Variants in NFE2L3 observed in about 807,000 individuals in gnomAD.
The protein encoded by NFE2L3 is NFE2 like bZIP transcription factor 3.
In NFE2L3, 18 loss-of-function variants were observed where a neutral mutation model predicts 23.5. That is an observed-to-expected ratio of 0.77 (90% CI 0.53 to 1.13). The LOEUF (loss-of-function observed/expected upper bound fraction) is 1.13, where lower values mean the gene tolerates loss of function less well. Ranked by LOEUF, NFE2L3 falls within the 50% of genes most tolerant of loss-of-function variation. The pLI is 0.00. For synonymous variants in NFE2L3, 424 were observed against 354.5 expected, an observed-to-expected ratio of 1.20 and a Z score of -2.20; for missense variants, 1,152 against 877.2, an observed-to-expected ratio of 1.31 and a Z score of -3.96.
rs1194380399 is a variant in NFE2L3 at position 26,186,947 on chromosome 7, C to T, written c.*1164C>T. ...TAGATGACTCAAGTTTGGGGAACATCAAGATTTTGACGGGTACTATAATGC... is the reference window on the plus strand; with the variant it reads ...TAGATGACTCAAGTTTGGGGAACATTAAGATTTTGACGGGTACTATAATGC... On this transcript the variant is annotated 3_prime_UTR_variant, in exon 4 of 4. Coordinates refer to ENST00000056233, the MANE Select transcript of NFE2L3 (RefSeq NM_004289.7). 1 of 152,138 alleles carries T rather than the reference C, an allele frequency of 6.6e-6. No individual in the cohort carries two copies. Among genetic ancestry groups the T allele is most frequent in the East Asian group, 1.9e-4 (1 of 5,204 alleles). The allele number at this position is 152,138 out of a possible 1,614,324, so 9.4% of individuals were successfully genotyped here.
Position 26,183,748 on chromosome 7 carries a change from C to T in NFE2L3, c.798C>T (p.Phe266=). 1 of 1,612,792 alleles carries T rather than the reference C, an allele frequency of 6.2e-7. No individual in the cohort carries two copies. The highest frequency in any genetic ancestry group is 1.1e-5 in the South Asian group (1 of 91,076). The part of the protein sequence containing the change: ...TDTSFSLEDL[F]QLLSSQPENS... ...CTTCTTTCTCTCTGGAAGACTTATT[C>T]CAGTTGCTTTCATCACAGCCTGAAA... Residue 266 remains phenylalanine (F), a synonymous_variant, in exon 3 of 4, where the codon TTC becomes TTT. Coordinates refer to ENST00000056233, the MANE Select transcript of NFE2L3 (RefSeq NM_004289.7).
rs777272281 is a variant in NFE2L3 at position 26,184,590 on chromosome 7, T to TCAG, written c.895_897dup (p.Ala299dup). 7.4e-6 allele frequency: 12 copies of TCAG among 1,613,900 alleles called. No individual in the cohort carries two copies. Among genetic ancestry groups the TCAG allele is most frequent in the Non-Finnish European group, 9.3e-6 (11 of 1,179,782 alleles). On this transcript the variant is annotated inframe_insertion, in exon 4 of 4. Transcript: ENST00000056233. The stretch of plus-strand genomic sequence containing the variant: ...CAGTATCAGTGATGGCATGAATTCT[T>TCAG]CAGCACATTATCATGTAAACTTCAG...
Position 26,175,853 on chromosome 7 carries a change from CTT to C in NFE2L3, c.571-2072_571-2071del, listed in dbSNP as rs70943276. ...TTAGCTGTTTGATCAATTTTCTTTT[CTT>C]TTTTTTTTTTTTTTTTTAGTATTTA... On this transcript the variant is annotated intron_variant, in intron 1 of 3. Transcript: ENST00000056233. 8.9e-3 allele frequency among the ~76,000 whole-genome samples: 990 copies of C among 111,648 alleles called. 6 individuals carry two copies. Among genetic ancestry groups the C allele is most frequent in the African/African-American group, 0.029 (861 of 29,894 alleles). The allele number at this position is 111,648 out of a possible 152,430, so 73.2% of individuals were successfully genotyped here. A position where few individuals can be genotyped will look rare whatever the true frequency, so the allele number is the denominator to read the frequency against.
At position 26,153,043 on chromosome 7, in the gene NFE2L3, C is replaced by T. The variant is rs1343910271; in HGVS notation, c.545C>T (p.Pro182Leu). The T allele has an allele frequency of 1.3e-6, 2 of 1,526,350 alleles. No homozygotes were observed. The highest frequency in any genetic ancestry group is 2.0e-5 in the Admixed American group (1 of 50,026). The allele number at this position is 1,526,350 out of a possible 1,614,324, so 94.6% of individuals were successfully genotyped here. A position where few individuals can be genotyped will look rare whatever the true frequency, so the allele number is the denominator to read the frequency against. ...KAPAEPTAQV[P>L]DAGGCASEEN... The stretch of plus-strand genomic sequence containing the variant: ...CCCGCGGAACCGACGGCTCAGGTGC[C>T]GGACGCTGGCGGATGTGCGAGCGAG... The change falls in exon 1 of 4, where the codon CCG becomes CTG. Residue 182 changes from proline (P) to leucine (L), a missense_variant. Coordinates refer to ENST00000056233, the MANE Select transcript of NFE2L3 (RefSeq NM_004289.7).
At chr7:26,184,493 G>C (rs776443659) in intron 3 of NFE2L3, 40 bp from the exon 4 acceptor site, 13 of 1,552,030 alleles carry the variant, frequency 8.4e-6, no homozygotes, top group Admixed American at 7.5e-5. Context: ...TTCAGAAATA[G>C]GGCTATTCAT....
intron 1 of NFE2L3, among the ~76,000 whole-genome samples, chr7:26,159,285 G>A (rs1441155280): frequency 1.3e-5 from 2 of 152,044 alleles, no homozygotes; most frequent in South Asian, 2.1e-4. Context: ...ACCTTTGCCC[G>A]GAATGCCTTC....
chr7:26,173,487 G>T (rs1313368381), intron 1 of NFE2L3: 1 of 152,200 alleles, frequency 6.6e-6, no homozygotes, highest in Non-Finnish European at 1.5e-5. Context: ...GAGATTAGAA[G>T]TTTCTCTCTC....
In NFE2L3 at chr7:26,177,983, A is replaced by G. The variant is rs749768224; in HGVS notation, c.611A>G (p.His204Arg). 6.2e-7 allele frequency: 1 copy of G among 1,614,130 alleles called. No individual in the cohort carries two copies. Among genetic ancestry groups the G allele is most frequent in the South Asian group, 1.1e-5 (1 of 91,076 alleles). The part of the protein sequence containing the change: ...VLREKHEAVD[H>R]SSQHEENEER... ...AGAGAAAAGCACGAAGCTGTGGATC[A>G]TAGTTCCCAGCATGAGGAAAATGAA... The change falls in exon 2 of 4, where the codon CAT (histidine) becomes CGT (arginine). Residue 204 changes from histidine to arginine, a missense_variant. His to Arg is a conservative substitution (Grantham distance 29). Transcript: ENST00000056233.
At chr7:26,159,020 G>A (rs1784128255) in intron 1 of NFE2L3, among the ~76,000 whole-genome samples, 1 of 152,142 alleles carries the variant, frequency 6.6e-6, no homozygotes, top group African/African-American at 2.4e-5. Context: ...ATTTACTCCC[G>A]TCCATTGTGT....
rs201667846 is a variant in NFE2L3 at position 26,184,604 on chromosome 7, T to C, written c.906T>C (p.His302=). 3.2e-5 allele frequency: 52 copies of C among 1,613,934 alleles called. No individual in the cohort carries two copies. The highest frequency in any genetic ancestry group is 3.3e-4 in the Middle Eastern group (2 of 6,056). The change falls in exon 4 of 4, where the codon CAT becomes CAC. Residue 302 remains histidine, a synonymous_variant. Coordinates refer to ENST00000056233, the MANE Select transcript of NFE2L3 (RefSeq NM_004289.7). ...GCATGAATTCTTCAGCACATTATCA[T>C]GTAAACTTCAGCCAGGCTATAAGTC... is the stretch of plus-strand genomic sequence containing the variant. ...SDGMNSSAHY[H]VNFSQAISQD... is the part of the protein sequence containing the mutation.
rs1784018205 is a variant in NFE2L3 at position 26,152,811 on chromosome 7, C to T, written c.313C>T (p.Arg105Cys). ...CGCGCTCGGGGTCCCCTTCGTCCCT[C>T]GCACCAGCGTGGATGCATGGCTGGT... is the stretch of plus-strand genomic sequence containing the variant. Reference protein sequence around the residue: ...VRALGVPFVPRTSVDAWLVHS... With the variant: ...VRALGVPFVPCTSVDAWLVHS... Residue 105 changes from arginine (R) to cysteine (C), a missense_variant, in exon 1 of 4, where the codon CGC becomes TGC. Transcript: ENST00000056233. The surrounding 1 kb of genome is among the most constrained non-coding windows in gnomAD (Gnocchi z 4.4). 4 of 1,487,656 alleles carry T rather than the reference C, an allele frequency of 2.7e-6. No homozygotes were observed. Among genetic ancestry groups the T allele is most frequent in the Non-Finnish European group, 3.6e-6 (4 of 1,126,582 alleles). The allele number at this position is 1,487,656 out of a possible 1,614,324, so 92.2% of individuals were successfully genotyped here. A position where few individuals can be genotyped will look rare whatever the true frequency, so the allele number is the denominator to read the frequency against.
intron 1 of NFE2L3, among the ~76,000 whole-genome samples, chr7:26,156,411 T>TTA (rs1171164143): frequency 6.6e-6 from 1 of 152,184 alleles, no homozygotes; most frequent in African/African-American, 2.4e-5. Flanking sequence ...TTTCCATAAT[T>TTA]TATGTACATA....
chr7:26,170,913 G>T (rs1355907570), intron 1 of NFE2L3, among the ~76,000 whole-genome samples: 1 of 152,092 alleles, frequency 6.6e-6, no homozygotes, highest in African/African-American at 2.4e-5. Flanking sequence ...GTAAACATTA[G>T]CCAGGCATGG....
chr7:26,184,444 C>T, intron 3 of NFE2L3, 89 bp from the exon 4 acceptor site: 2 of 1,232,158 alleles, frequency 1.6e-6, no homozygotes, highest in Non-Finnish European at 2.3e-6. Flanking sequence ...GAGGAATTGA[C>T]AAAAGAGGGG....
chr7:26,185,292 G>C lies in NFE2L3; in HGVS notation c.1594G>C (p.Asp532His), dbSNP rs371060821. The change falls in exon 4 of 4, where the codon GAT becomes CAT. Residue 532 changes from aspartate to histidine, a missense_variant. Asp to His is a moderately conservative substitution (Grantham distance 81, BLOSUM62 -1). Transcript: ENST00000056233. ...AAGGAGTAGATACCTTGAAGACACA[G>C]ATAGAAACTTGAGCCGTGATGAACA... ...KIRSRYLEDT[D>H]RNLSRDEQRA... is the part of the protein sequence containing the mutation. The C allele has an allele frequency of 2.5e-6, 4 of 1,614,050 alleles. No individual in the cohort carries two copies. Among genetic ancestry groups the C allele is most frequent in the East Asian group, 4.5e-5 (2 of 44,876 alleles).
intron 2 of NFE2L3, among the ~76,000 whole-genome samples, chr7:26,178,413 G>T (rs1176074179): frequency 6.6e-6 from 1 of 152,202 alleles, no homozygotes; most frequent in Non-Finnish European, 1.5e-5. Flanking sequence ...GCCAAGGCAA[G>T]TGATGAAGAA....
chr7:26,171,794 G>A (rs1410786490), intron 1 of NFE2L3, among the ~76,000 whole-genome samples: 2 of 152,092 alleles, frequency 1.3e-5, no homozygotes, highest in African/African-American at 2.4e-5. Context: ...GTTTTGGGAG[G>A]CCAAGGAGGA....
intron 1 of NFE2L3, among the ~76,000 whole-genome samples, chr7:26,155,704 G>C (rs1784071945): frequency 6.6e-6 from 1 of 152,162 alleles, no homozygotes; most frequent in Non-Finnish European, 1.5e-5. Flanking sequence ...TAATGAAGAG[G>C]TTGCAATTTG....
chr7:26,172,230 C>T (rs1477647158), intron 1 of NFE2L3, among the ~76,000 whole-genome samples: 1 of 152,194 alleles, frequency 6.6e-6, no homozygotes, highest in Non-Finnish European at 1.5e-5. Flanking sequence ...TTGCCTTAGC[C>T]AAAGTGATTT....
Sources: gnomAD v4.1 joint callset for allele counts (sites outside exome capture counted in the v4.1 genomes callset) on GRCh38, gnomAD v4.1.1 for gene constraint, Gnocchi (gnomAD v3.1) non-coding constraint, MANE v1.5 for transcripts, NCBI Gene and HGNC (gene_info 2026-07-23, HGNC 2026-07-21) for gene names.